CIMIP4: variants seen among roughly 807,000 people sequenced by gnomAD.
The protein encoded by CIMIP4 is ciliary microtubule inner protein 4, also known as protein EAN57.
At chr22:37,000,569 C>T in the CIMIP4 span, among the ~76,000 whole-genome samples, 2 of 152,220 alleles carry the variant, frequency 1.3e-5, no homozygotes, top group Non-Finnish European at 2.9e-5. Context: ...CAAGCCTCTT[C>T]TCCACTCTAG....
the CIMIP4 span, among the ~76,000 whole-genome samples, chr22:36,992,173 C>T: frequency 1.3e-5 from 2 of 152,160 alleles, no homozygotes; most frequent in African/African-American, 4.8e-5. Flanking sequence ...ATGGTGAAAC[C>T]CCGTCTCTAC....
the CIMIP4 span, among the ~76,000 whole-genome samples, chr22:36,994,043 GA>G: frequency 2.9e-4 from 44 of 152,234 alleles, no homozygotes; most frequent in Admixed American, 2.6e-3. Context: ...ACGGCACGAT[GA>G]AAAACAAAAA....
chr22:37,007,226 A>C, the CIMIP4 span, among the ~76,000 whole-genome samples: 1 of 152,190 alleles, frequency 6.6e-6, no homozygotes, highest in African/African-American at 2.4e-5. Context: ...GTGCAGCAAG[A>C]GATAACTAAC....
At chr22:36,999,961 G>A in the CIMIP4 span, 1 of 1,613,394 alleles carries the variant, frequency 6.2e-7, no homozygotes, top group Non-Finnish European at 8.5e-7. Context: ...GGCCCTCGAA[G>A]ACTTCATCAA....
At chr22:37,004,322 G>C in the CIMIP4 span, among the ~76,000 whole-genome samples, 9 of 151,274 alleles carry the variant, frequency 5.9e-5, no homozygotes, top group African/African-American at 1.7e-4. Context: ...ATCTCAAGCA[G>C]CCTTGGAACC....
the CIMIP4 span, chr22:36,999,762 A>G: frequency 1.3e-6 from 2 of 1,534,058 alleles, no homozygotes; most frequent in Non-Finnish European, 1.8e-6. Context: ...TATGGAGTGG[A>G]AACCCCAAAG....
the CIMIP4 span, chr22:37,000,001 G>A: frequency 8.7e-6 from 14 of 1,603,338 alleles, no homozygotes; most frequent in East Asian, 2.0e-4. Context: ...AGGGAGGCAG[G>A]GATGACAGAC....
the CIMIP4 span, among the ~76,000 whole-genome samples, chr22:36,993,742 A>G: frequency 2.0e-5 from 3 of 152,072 alleles, no homozygotes; most frequent in Non-Finnish European, 4.4e-5. Flanking sequence ...AAAAAAGAAA[A>G]GAAAAGAAAA....
the CIMIP4 span, among the ~76,000 whole-genome samples, chr22:36,991,818 AC>A: frequency 1.8e-4 from 28 of 151,482 alleles, no homozygotes; most frequent in Non-Finnish European, 3.1e-4. Flanking sequence ...AGTGTCTTCA[AC>A]TATACCAAGA....
chr22:37,003,166 C>T, the CIMIP4 span, among the ~76,000 whole-genome samples: 9 of 152,358 alleles, frequency 5.9e-5, no homozygotes, highest in East Asian at 1.2e-3. Flanking sequence ...GATAAACCTC[C>T]GCAGAGTTTA....
the CIMIP4 span, among the ~76,000 whole-genome samples, chr22:36,997,905 T>G: frequency 1.3e-5 from 2 of 152,184 alleles, no homozygotes; most frequent in Non-Finnish European, 2.9e-5. Flanking sequence ...GAGGGACAGA[T>G]GGATGGGCAC....
chr22:36,994,214 A>T, the CIMIP4 span, among the ~76,000 whole-genome samples: 1 of 152,236 alleles, frequency 6.6e-6, no homozygotes, highest in Non-Finnish European at 1.5e-5. Context: ...CTAATAGATC[A>T]AGCAAAGCAT....
At chr22:36,995,142 C>A in the CIMIP4 span, among the ~76,000 whole-genome samples, 1 of 152,122 alleles carries the variant, frequency 6.6e-6, no homozygotes, top group Non-Finnish European at 1.5e-5. Flanking sequence ...AATCAGAATT[C>A]CAACAATGGA....
the CIMIP4 span, chr22:37,001,845 C>T: frequency 2.3e-5 from 36 of 1,584,300 alleles, no homozygotes; most frequent in East Asian, 1.8e-4. Context: ...ACCTGCTCCT[C>T]GGAGACCAGC....
the CIMIP4 span, among the ~76,000 whole-genome samples, chr22:36,996,452 C>T: frequency 3.4e-5 from 5 of 146,680 alleles, no homozygotes; most frequent in South Asian, 8.6e-4. Context: ...AAAAGAGATT[C>T]TCCTGAGTAA....
the CIMIP4 span, chr22:37,001,962 C>T: frequency 4.4e-5 from 71 of 1,613,822 alleles, no homozygotes; most frequent in Admixed American, 6.7e-5. Context: ...AAGCTGGGAC[C>T]GTCATCCGTC....
chr22:37,002,146 G>T, the CIMIP4 span: 2 of 1,528,488 alleles, frequency 1.3e-6, no homozygotes, highest in Admixed American at 2.1e-5. Flanking sequence ...CTAGGGAGCT[G>T]CCTTGAGCGC....
chr22:36,995,069 A>C, the CIMIP4 span, among the ~76,000 whole-genome samples: 4 of 152,224 alleles, frequency 2.6e-5, no homozygotes, highest in African/African-American at 4.8e-5. Flanking sequence ...TCAAGCTGGG[A>C]GATGGAATCC....
At chr22:37,003,566 C>A in the CIMIP4 span, among the ~76,000 whole-genome samples, 5 of 152,214 alleles carry the variant, frequency 3.3e-5, no homozygotes, top group African/African-American at 4.8e-5. Flanking sequence ...GAACACTCCC[C>A]TCCACTCCTT....
Sources: gnomAD v4.1 joint callset for allele counts (sites outside exome capture counted in the v4.1 genomes callset) on GRCh38, gnomAD v4.1.1 for gene constraint, MANE v1.5 for transcripts, NCBI Gene and HGNC (gene_info 2026-07-23, HGNC 2026-07-21) for gene names.